Variants in APBA1 observed in about 807,000 individuals in gnomAD.
The protein encoded by APBA1 is amyloid-beta A4 precursor protein-binding family A member 1.
Under a neutral mutation model 86.6 loss-of-function variants are expected in APBA1, and 55 were observed. The ratio of observed to expected loss-of-function variants is 0.64; its 90% CI spans 0.51 to 0.80. The LOEUF is 0.80. APBA1 is among the 30% of genes least tolerant of loss of function. APBA1 has a pLI of 0.00. For missense variants in APBA1, 1,090 were observed against 1,183.0 expected, an observed-to-expected ratio of 0.92 and a Z score of 1.15; for synonymous variants, 511 against 493.9, an observed-to-expected ratio of 1.03 and a Z score of -0.46.
chr9:69,554,935 C>T (rs765380945), intron 1 of APBA1, among the ~76,000 whole-genome samples: 9 of 152,102 alleles, frequency 5.9e-5, no homozygotes, highest in East Asian at 1.9e-4. Flanking sequence ...AAGCATTCAT[C>T]GCAGACATAA....
At chr9:69,490,765 G>C (rs984231847) in intron 2 of APBA1, among the ~76,000 whole-genome samples, 8 of 151,902 alleles carry the variant, frequency 5.3e-5, no homozygotes, top group African/African-American at 1.7e-4. Flanking sequence ...CAAGAAAAAA[G>C]CAAACAACCC....
chr9:69,657,528 T>C (rs532336066), intron 1 of APBA1, among the ~76,000 whole-genome samples: 1 of 152,258 alleles, frequency 6.6e-6, no homozygotes, highest in African/African-American at 2.4e-5. Flanking sequence ...CTTAGCCCAA[T>C]GAGATCAACA....
intron 1 of APBA1, among the ~76,000 whole-genome samples, chr9:69,615,117 G>A (rs773504587): frequency 1.1e-4 from 17 of 152,142 alleles, no homozygotes; most frequent in Non-Finnish European, 2.4e-4. Context: ...GGAGAATTGC[G>A]TGAACCCAGA....
At chr9:69,556,484 A>G in intron 1 of APBA1, among the ~76,000 whole-genome samples, 1 of 152,126 alleles carries the variant, frequency 6.6e-6, no homozygotes, top group Non-Finnish European at 1.5e-5. Flanking sequence ...CTGCAGTGAG[A>G]ATTCTGATGC....
intron 1 of APBA1, among the ~76,000 whole-genome samples, chr9:69,641,256 G>C (rs1277155998): frequency 6.6e-6 from 1 of 152,040 alleles, no homozygotes; most frequent in Non-Finnish European, 1.5e-5. Context: ...AATTAAGGAA[G>C]ATCTAAAGAA....
At chr9:69,510,711 T>C (rs1161805554) in intron 2 of APBA1, among the ~76,000 whole-genome samples, 1 of 144,240 alleles carries the variant, frequency 6.9e-6, no homozygotes, top group Non-Finnish European at 1.5e-5. Context: ...ATGGTACTGG[T>C]ACCAAAACAG....
intron 4 of APBA1, among the ~76,000 whole-genome samples, chr9:69,470,447 G>T (rs1027619250): frequency 3.9e-5 from 6 of 152,268 alleles, no homozygotes; most frequent in African/African-American, 1.4e-4. Flanking sequence ...CCTGGGGGAT[G>T]AATATGAAGA....
intron 2 of APBA1, among the ~76,000 whole-genome samples, chr9:69,514,578 A>T (rs1321504543): frequency 6.7e-6 from 1 of 148,708 alleles, no homozygotes. Context: ...AAAAAGAGTG[A>T]AATTCTGTCT....
chr9:69,448,988 A>G (rs1460204580), intron 10 of APBA1, among the ~76,000 whole-genome samples: 1 of 152,224 alleles, frequency 6.6e-6, no homozygotes, highest in Non-Finnish European at 1.5e-5. Flanking sequence ...CTTTATAAGC[A>G]TCAGTTCAGG....
intron 2 of APBA1, among the ~76,000 whole-genome samples, chr9:69,502,914 G>C (rs1835900908): frequency 6.6e-6 from 1 of 152,052 alleles, no homozygotes; most frequent in Admixed American, 6.5e-5. Flanking sequence ...TCATTGTCAA[G>C]TTGTAAATTC....
chr9:69,672,919 T>A (rs1588422887), upstream of APBA1: 1 of 152,268 alleles, frequency 6.6e-6, no homozygotes, highest in Non-Finnish European at 1.5e-5. Flanking sequence ...TCCTGCAGGG[T>A]GTTCTCTCCG....
chr9:69,556,147 C>G (rs1313350599), intron 1 of APBA1, among the ~76,000 whole-genome samples: 2 of 152,078 alleles, frequency 1.3e-5, no homozygotes, highest in Non-Finnish European at 2.9e-5. Context: ...TCATAGGAAC[C>G]CTTAAAGCAC....
At chr9:69,585,986 T>C (rs897599244) in intron 1 of APBA1, among the ~76,000 whole-genome samples, 8 of 152,152 alleles carry the variant, frequency 5.3e-5, no homozygotes, top group African/African-American at 1.9e-4. Context: ...CCTATGAATA[T>C]GTTTGCCTCG....
chr9:69,645,552 T>C (rs779944210), intron 1 of APBA1, among the ~76,000 whole-genome samples: 4 of 152,188 alleles, frequency 2.6e-5, no homozygotes, highest in Non-Finnish European at 5.9e-5. Flanking sequence ...CCAGTTTCCC[T>C]TGCAGCTAGA....
In APBA1 at chr9:69,427,887, T is replaced by G; in HGVS notation, c.*3440A>C. ...TACAATAAGCTCTATTTCACCCTCT[T>G]TACAGAACAATAGTACAAGTTCATA... On this transcript the variant is annotated 3_prime_UTR_variant, in exon 13 of 13. Coordinates refer to ENST00000265381, the MANE Select transcript of APBA1 (RefSeq NM_001163.4). 6.6e-6 allele frequency: 1 copy of G among 152,298 alleles called. No individual in the cohort carries two copies. Among genetic ancestry groups the G allele is most frequent in the Admixed American group, 6.5e-5 (1 of 15,298 alleles). The allele number at this position is 152,298 out of a possible 1,614,324, so 9.4% of individuals were successfully genotyped here. A position where few individuals can be genotyped will look rare whatever the true frequency, so the allele number is the denominator to read the frequency against.
chr9:69,481,322 C>T (rs1260547971), intron 2 of APBA1, among the ~76,000 whole-genome samples: 5 of 152,026 alleles, frequency 3.3e-5, no homozygotes, highest in Admixed American at 2.6e-4. Context: ...CATTCTTATA[C>T]ACCAACAACA....
At chr9:69,455,896 G>C (rs1342724512) in intron 8 of APBA1, among the ~76,000 whole-genome samples, 1 of 152,072 alleles carries the variant, frequency 6.6e-6, no homozygotes, top group African/African-American at 2.4e-5. Context: ...ACTTTATTCA[G>C]GTCTCTGCTC....
rs1834593304 is a variant in APBA1, at chr9:69,431,460, G to T, written c.2443-62C>A. 24 of 1,464,068 alleles carry T rather than the reference G, an allele frequency of 1.6e-5. 1 individual carries two copies. The South Asian group carries it at 2.6e-4, about 16-fold the overall frequency. The allele number at this position is 1,464,068 out of a possible 1,614,324, so 90.7% of individuals were successfully genotyped here. On this transcript the variant is annotated intron_variant, in intron 12 of 12. Coordinates refer to ENST00000265381, the MANE Select transcript of APBA1 (RefSeq NM_001163.4). ...GCTGGGGGCTGGCTGCGTGGGCACT[G>T]CCCAGGGCTGGCCAGAGAGGCAGTG...
At chr9:69,626,361 C>T (rs886867855) in intron 1 of APBA1, among the ~76,000 whole-genome samples, 3 of 151,474 alleles carry the variant, frequency 2.0e-5, no homozygotes, top group Non-Finnish European at 4.4e-5. Context: ...GCTTTTTTTT[C>T]CCCACAAATG....
Sources: gnomAD v4.1 joint callset for allele counts (sites outside exome capture counted in the v4.1 genomes callset) on GRCh38, gnomAD v4.1.1 for gene constraint, MANE v1.5 for transcripts, NCBI Gene and HGNC (gene_info 2026-07-23, HGNC 2026-07-21) for gene names.